RASGEF1A: variants seen among roughly 807,000 people sequenced by gnomAD.
The protein encoded by RASGEF1A is ras-GEF domain-containing family member 1A.
A neutral mutation model predicts 56.4 loss-of-function variants in RASGEF1A; 18 were observed. The observed-to-expected ratio is 0.32, with a 90% confidence interval of 0.22 to 0.47. RASGEF1A has a LOEUF of 0.47. Ranked by LOEUF, RASGEF1A falls within the 20% of genes least tolerant of loss-of-function variation. The pLI, the probability that RASGEF1A is intolerant of heterozygous loss-of-function variation, is 1.00. For synonymous variants in RASGEF1A, 245 were observed against 242.6 expected, an observed-to-expected ratio of 1.01 and a Z score of -0.09; for missense variants, 422 against 627.1, an observed-to-expected ratio of 0.67 and a Z score of 3.49.
At position 43,201,916 on chromosome 10, in the gene RASGEF1A, G is replaced by C. The variant is rs553793299; in HGVS notation, c.351C>G (p.Ile117Met). The C allele has an allele frequency of 1.6e-5, 26 of 1,610,012 alleles. No homozygotes were observed. Among genetic ancestry groups the C allele is most frequent in the East Asian group, 2.2e-5 (1 of 44,768 alleles). Residue 117 changes from isoleucine to methionine, a missense_variant, in exon 4 of 13, where the codon ATC (isoleucine) becomes ATG (methionine). Transcript: ENST00000395810. ...CGGTCCACTCCTTCAGGAGCTGCAC[G>C]ATCTTGGCTGAGAAAGACTTCAGCT... ...KAKLKSFSAK[I>M]VQLLKEWTEA...
intron 1 of RASGEF1A, among the ~76,000 whole-genome samples, chr10:43,226,229 G>A (rs1840278707): frequency 6.6e-6 from 1 of 152,174 alleles, no homozygotes; most frequent in African/African-American, 2.4e-5. Context: ...ATCATCTGAG[G>A]TCAGGAGTTC....
intron 1 of RASGEF1A, among the ~76,000 whole-genome samples, chr10:43,234,160 T>A (rs1288363197): frequency 6.6e-6 from 1 of 152,292 alleles, no homozygotes; most frequent in East Asian, 1.9e-4. Flanking sequence ...TGGCTCTGGC[T>A]CAGGCATGTT....
intron 1 of RASGEF1A, among the ~76,000 whole-genome samples, chr10:43,227,273 C>T (rs1046494098): frequency 6.6e-6 from 1 of 152,182 alleles, no homozygotes. Context: ...CTCCCCCAGG[C>T]AGCCCTTCCT....
chr10:43,238,107 G>T (rs1411490480), intron 1 of RASGEF1A, among the ~76,000 whole-genome samples: 1 of 147,890 alleles, frequency 6.8e-6, no homozygotes, highest in Non-Finnish European at 1.5e-5. Context: ...GGAGGGAGGG[G>T]GGGTGCTGCA....
chr10:43,241,114 T>C (rs1840493390), intron 1 of RASGEF1A, among the ~76,000 whole-genome samples: 1 of 152,214 alleles, frequency 6.6e-6, no homozygotes, highest in Admixed American at 6.5e-5. Flanking sequence ...AAGCAGCAAC[T>C]TGAAATCATG....
chr10:43,198,794 G>A (rs1839842130), intron 9 of RASGEF1A, 139 bp downstream of exon 9: 2 of 789,380 alleles, frequency 2.5e-6, no homozygotes, highest in Non-Finnish European at 4.3e-6. Context: ...GAACATGCCA[G>A]GCCAGCTCAG....
chr10:43,239,045 T>G, intron 1 of RASGEF1A, among the ~76,000 whole-genome samples: 1 of 152,222 alleles, frequency 6.6e-6, no homozygotes, highest in East Asian at 1.9e-4. Flanking sequence ...CCCTGTAGTT[T>G]CTTTACTTGC....
At chr10:43,205,787 C>A in intron 2 of RASGEF1A, 132 bp downstream of exon 2, 2 of 715,178 alleles carry the variant, frequency 2.8e-6, no homozygotes, top group Non-Finnish European at 2.3e-6. Context: ...GGGCCTGGGC[C>A]CCCCACTGCC....
intron 1 of RASGEF1A, among the ~76,000 whole-genome samples, chr10:43,209,464 TTGTC>T (rs1030757374): frequency 2.0e-5 from 3 of 152,142 alleles, no homozygotes; most frequent in Non-Finnish European, 4.4e-5. Flanking sequence ...CTTAACTTCT[TTGTC>T]TGTAAAATGG....
chr10:43,223,070 T>C (rs1348459205), intron 1 of RASGEF1A, among the ~76,000 whole-genome samples: 4 of 152,116 alleles, frequency 2.6e-5, no homozygotes, highest in Admixed American at 1.3e-4. Flanking sequence ...GGAAACACAG[T>C]GAGCACCTCT....
chr10:43,196,287 A>G lies in RASGEF1A; in HGVS notation c.1422-19T>C. ...GGTGGTCCTAGAGGGGGACAGGACA[A>G]GCAGTGCTCAGGCCCGAGCAGGGCG... On this transcript the variant is annotated intron_variant, in intron 12 of 12. Coordinates refer to ENST00000395810, the MANE Select transcript of RASGEF1A (RefSeq NM_145313.4). This position sits in a 1 kb window ranked among gnomAD's most constrained non-coding sequence, Gnocchi z 4.6. 6.2e-7 allele frequency: 1 copy of G among 1,613,348 alleles called. No homozygotes were observed. The highest frequency in any genetic ancestry group is 2.2e-5 in the East Asian group (1 of 44,830).
At chr10:43,238,633 G>A (rs2133216347) in intron 1 of RASGEF1A, among the ~76,000 whole-genome samples, 1 of 152,314 alleles carries the variant, frequency 6.6e-6, no homozygotes, top group South Asian at 2.1e-4. Context: ...ATAACATGTT[G>A]CAGGGCAGGG....
At chr10:43,247,703 T>C (rs905716125) in intron 1 of RASGEF1A, among the ~76,000 whole-genome samples, 1 of 152,084 alleles carries the variant, frequency 6.6e-6, no homozygotes, top group Admixed American at 6.5e-5. Context: ...ATTCATAGAG[T>C]CATAAAATAG....
rs571680520 is a variant in RASGEF1A, at chr10:43,242,324, AC to A, written c.-7+24520del. Among the ~76,000 whole-genome samples the A allele has an allele frequency of 2.6e-5, 4 of 152,336 alleles. No individual in the cohort carries two copies. The South Asian group carries it at 8.3e-4, about 32-fold the overall frequency. On this transcript the variant is annotated intron_variant, in intron 1 of 12. Coordinates refer to ENST00000395810, the MANE Select transcript of RASGEF1A (RefSeq NM_145313.4). Reference sequence around the variant, plus strand: ...GGCTAATCAACAAGATATAACAATTACAAACAAATATATACCTAACAACAGA... The same window carrying A: ...GGCTAATCAACAAGATATAACAATTAAAACAAATATATACCTAACAACAGA...
At chr10:43,236,437 T>G (rs918552548) in intron 1 of RASGEF1A, among the ~76,000 whole-genome samples, 1 of 152,236 alleles carries the variant, frequency 6.6e-6, no homozygotes, top group African/African-American at 2.4e-5. Context: ...TGTACATAGT[T>G]GCATGCATGC....
chr10:43,219,210 C>T lies in RASGEF1A; in HGVS notation c.-6-13088G>A, dbSNP rs866377640. Among the ~76,000 whole-genome samples, 8 of 152,232 alleles carry T rather than the reference C, an allele frequency of 5.3e-5. No individual in the cohort carries two copies. The South Asian group carries it at 6.2e-4, about 12-fold the overall frequency. ...TTGGCCTCGCTCCCTCTTCGGCCAA[C>T]GCCATCAGATTCTGCAGGGGTAACG... On this transcript the variant is annotated intron_variant, in intron 1 of 12. Coordinates refer to ENST00000395810, the MANE Select transcript of RASGEF1A (RefSeq NM_145313.4).
chr10:43,241,869 G>C (rs1010468302), intron 1 of RASGEF1A, among the ~76,000 whole-genome samples: 5 of 152,208 alleles, frequency 3.3e-5, no homozygotes, highest in Non-Finnish European at 7.3e-5. Context: ...CGGATGCAGA[G>C]GCTCACGCCT....
chr10:43,230,012 T>TGA (rs1231255584), intron 1 of RASGEF1A, among the ~76,000 whole-genome samples: 1 of 151,116 alleles, frequency 6.6e-6, no homozygotes, highest in African/African-American at 2.4e-5. Context: ...TGCCGGGGTG[T>TGA]GAGGCTGGAC....
intron 1 of RASGEF1A, among the ~76,000 whole-genome samples, chr10:43,233,947 A>G (rs1248022666): frequency 2.0e-5 from 3 of 152,174 alleles, no homozygotes; most frequent in Admixed American, 6.5e-5. Flanking sequence ...ACCCACCCAG[A>G]CAACCACAGG....
Sources: gnomAD v4.1 joint callset for allele counts (sites outside exome capture counted in the v4.1 genomes callset) on GRCh38, gnomAD v4.1.1 for gene constraint, Gnocchi (gnomAD v3.1) non-coding constraint, MANE v1.5 for transcripts, NCBI Gene and HGNC (gene_info 2026-07-23, HGNC 2026-07-21) for gene names.